Variants in PCDHA3 observed in about 807,000 individuals in gnomAD.
The protein encoded by PCDHA3 is protocadherin alpha-3.
In PCDHA3, 41 loss-of-function variants were observed where a neutral mutation model predicts 62.2. The ratio of observed to expected loss-of-function variants is 0.66; its 90% CI spans 0.51 to 0.86. PCDHA3 has a LOEUF of 0.86. Ranked by LOEUF, PCDHA3 falls within the 40% of genes least tolerant of loss-of-function variation. PCDHA3 has a pLI of 0.00. For synonymous variants in PCDHA3, 640 were observed against 555.4 expected (o/e 1.15, Z -2.14); for missense variants, 1,304 against 1,241.2 (o/e 1.05, Z -0.76).
chr5:140,841,702 T>G (rs1554138466), intron 1 of PCDHA3: 1 of 1,613,896 alleles, frequency 6.2e-7, no homozygotes, highest in Non-Finnish European at 8.5e-7. Flanking sequence ...AGGATGTTAA[T>G]GACAACCCGC....
At chr5:140,891,801 C>T (rs2063255606) in intron 1 of PCDHA3, among the ~76,000 whole-genome samples, 1 of 152,056 alleles carries the variant, frequency 6.6e-6, no homozygotes, top group Non-Finnish European at 1.5e-5. Context: ...AGGGATCTGC[C>T]CTCATGAATA....
chr5:140,967,121 C>T, intron 1 of PCDHA3: 1 of 1,612,916 alleles, frequency 6.2e-7, no homozygotes, highest in East Asian at 2.2e-5. Flanking sequence ...TCGCTGCCTG[C>T]TCAGCTTGGA....
At chr5:140,973,208 C>T (rs2096576751) in intron 1 of PCDHA3, among the ~76,000 whole-genome samples, 1 of 152,170 alleles carries the variant, frequency 6.6e-6, no homozygotes, top group African/African-American at 2.4e-5. Flanking sequence ...TGCATATTCA[C>T]CCTAATTCCA....
In PCDHA3 at chr5:140,836,450, A is replaced by G. The variant is rs2150261212; in HGVS notation, c.2394+32859A>G. ...GGGCATCGTTGGGCATTGCAGGCCC[A>G]GAGACCGAGCTGGTGGATGTCAACG... On this transcript the variant is annotated intron_variant, in intron 1 of 3. Transcript: ENST00000522353. 70 of 1,613,750 alleles carry G rather than the reference A, an allele frequency of 4.3e-5. 1 individual carries two copies. The African/African-American group carries it at 8.4e-4, about 19-fold the overall frequency.
intron 1 of PCDHA3, chr5:140,851,026 C>A (rs1554145197): frequency 2.8e-6 from 4 of 1,416,346 alleles, no homozygotes; most frequent in Admixed American, 5.4e-5. Flanking sequence ...ATAAAGTAAA[C>A]CCCTTAACAT....
In PCDHA3 at chr5:140,849,922, C is replaced by T. The variant is rs140735832; in HGVS notation, c.2394+46331C>T. 4.3e-5 allele frequency: 69 copies of T among 1,598,214 alleles called. 4 individuals carry two copies. Among genetic ancestry groups the T allele is most frequent in the Middle Eastern group, 1.7e-4 (1 of 5,782 alleles). On this transcript the variant is annotated intron_variant, in intron 1 of 3. Transcript: ENST00000522353. The stretch of plus-strand genomic sequence containing the variant: ...AACCCGCCGGGCTGCCACATCTTCA[C>T]GGTGTCTGCGCGGGACGCTGACGCG...
chr5:140,804,519 T>C (rs782289885), intron 1 of PCDHA3: 9 of 152,154 alleles, frequency 5.9e-5, no homozygotes, highest in Non-Finnish European at 1.0e-4. Flanking sequence ...CTATCCCTAC[T>C]AGCAAAACTT....
At chr5:140,879,864 T>C (rs2058152773) in intron 1 of PCDHA3, among the ~76,000 whole-genome samples, 1 of 152,226 alleles carries the variant, frequency 6.6e-6, no homozygotes, top group Admixed American at 6.5e-5. Flanking sequence ...CCTTCTCAGC[T>C]TTCATGGTCA....
intron 1 of PCDHA3, chr5:140,830,206 C>G (rs2150182712): frequency 1.2e-6 from 2 of 1,613,782 alleles, no homozygotes; most frequent in Middle Eastern, 1.7e-4. Context: ...TCGCCATCTG[C>G]GCGGTATCCA....
At chr5:140,810,598 G>A (rs200197617) in intron 1 of PCDHA3, 2 of 151,742 alleles carry the variant, frequency 1.3e-5, no homozygotes, top group East Asian at 3.9e-4. Flanking sequence ...TTTTATTTTG[G>A]CAATTTTTAT....
chr5:140,916,028 C>T (rs1554197245), intron 1 of PCDHA3, among the ~76,000 whole-genome samples: 1 of 152,152 alleles, frequency 6.6e-6, no homozygotes, highest in African/African-American at 2.4e-5. Flanking sequence ...TCCCATTCTT[C>T]CCTCCCCTTT....
intron 1 of PCDHA3, chr5:140,927,041 T>G (rs1242687827): frequency 9.9e-6 from 16 of 1,612,338 alleles, no homozygotes; most frequent in Non-Finnish European, 1.0e-5. Context: ...GCGGCCGCTA[T>G]GTCCTCGCGG....
At chr5:140,955,460 C>G (rs1051253944) in intron 1 of PCDHA3, among the ~76,000 whole-genome samples, 2 of 152,000 alleles carry the variant, frequency 1.3e-5, no homozygotes, top group Non-Finnish European at 2.9e-5. Flanking sequence ...GGGCTTTTTC[C>G]TTTTTGCTTG....
intron 1 of PCDHA3, chr5:140,841,224 A>G: frequency 6.9e-7 from 1 of 1,450,532 alleles, no homozygotes; most frequent in South Asian, 1.4e-5. Context: ...AGGCCGAACA[A>G]CGGGAGATGC....
intron 3 of PCDHA3, among the ~76,000 whole-genome samples, chr5:140,994,234 C>A (rs1285846864): frequency 4.6e-5 from 7 of 152,146 alleles, no homozygotes; most frequent in South Asian, 2.1e-4. Flanking sequence ...ATGTTATAAT[C>A]AATTCAAACC....
At chr5:140,989,637 T>C (rs1274152423) in intron 3 of PCDHA3, among the ~76,000 whole-genome samples, 2 of 152,070 alleles carry the variant, frequency 1.3e-5, no homozygotes, top group African/African-American at 4.8e-5. Flanking sequence ...ACAGCAAGGG[T>C]CTTTCATGGC....
At position 140,822,512 on chromosome 5, in the gene PCDHA3, A is replaced by G. The variant is rs2150116913; in HGVS notation, c.2394+18921A>G. 3 of 1,613,952 alleles carry G rather than the reference A, an allele frequency of 1.9e-6. No individual in the cohort carries two copies. The East Asian group carries it at 6.7e-5, about 36-fold the overall frequency. On this transcript the variant is annotated intron_variant, in intron 1 of 3. Transcript: ENST00000522353. ...GCCCCAGAATTTGATAAATCCATTT[A>G]TAATGTCAGATTGTTGGAAAATGCA...
rs782420685 is a variant in PCDHA3, at chr5:140,978,941, T to G, written c.2395-8T>G. 1 of 1,614,158 alleles carries G rather than the reference T, an allele frequency of 6.2e-7. No homozygotes were observed. The highest frequency in any genetic ancestry group is 2.2e-5 in the East Asian group (1 of 44,880). On this transcript the variant is annotated splice_region_variant and splice_polypyrimidine_tract_variant and intron_variant, in intron 1 of 3. Transcript: ENST00000522353. ...TTTTAACAGAAAACTCTCTTTGTGA[T>G]TTTGCAGCCACGACAGCCCAACCCT...
intron 1 of PCDHA3, among the ~76,000 whole-genome samples, chr5:140,916,170 G>A (rs782402888): frequency 1.5e-4 from 23 of 152,106 alleles, no homozygotes; most frequent in Non-Finnish European, 2.9e-4. Flanking sequence ...TGCCAGGCCT[G>A]GGACTCTTCA....
Sources: gnomAD v4.1 joint callset for allele counts (sites outside exome capture counted in the v4.1 genomes callset) on GRCh38, gnomAD v4.1.1 for gene constraint, MANE v1.5 for transcripts, NCBI Gene and HGNC (gene_info 2026-07-23, HGNC 2026-07-21) for gene names.